Variants in FAM168B observed in about 807,000 individuals in gnomAD.
FAM168B encodes the protein family with sequence similarity 168 member B, also known as myelin-associated neurite-outgrowth inhibitor.
Under a neutral mutation model 21.8 loss-of-function variants are expected in FAM168B, and 19 were observed. The ratio of observed to expected loss-of-function variants is 0.87; its 90% confidence interval spans 0.61 to 1.28. FAM168B has a LOEUF of 1.28. Among genes scored for constraint, FAM168B ranks in the 50% most tolerant of loss-of-function variants. The pLI is 0.00. For missense variants in FAM168B, 233 were observed against 263.1 expected, an observed-to-expected ratio of 0.89 and a Z score of 0.79; for synonymous variants, 126 against 104.8, an observed-to-expected ratio of 1.20 and a Z score of -1.24.
intron 3 of FAM168B, among the ~76,000 whole-genome samples, chr2:131,070,751 A>C (rs1244643835): frequency 2.6e-5 from 4 of 152,240 alleles, no homozygotes; most frequent in African/African-American, 9.6e-5. Context: ...GCTAATATAC[A>C]CTACGAGATG....
Position 131,055,653 on chromosome 2 carries a change from G to C in FAM168B, c.197C>G (p.Thr66Ser). ...GTPYKVSCSP[T>S]SGAVPPYSSS... is the part of the protein sequence containing the mutation. ...GGAGTACGGTGGCACAGCCCCGCTG[G>C]TGGGGGAACAGGACACTTTGTAAGG... Residue 66 changes from threonine to serine, a missense_variant, in exon 4 of 7, where the codon ACC becomes AGC. Transcript: ENST00000389915. The C allele has an allele frequency of 6.2e-7, 1 of 1,613,686 alleles. No homozygotes were observed. The highest frequency in any genetic ancestry group is 8.5e-7 in the Non-Finnish European group (1 of 1,179,800).
chr2:131,092,328 C>T (rs1488423412), intron 1 of FAM168B, among the ~76,000 whole-genome samples: 1 of 152,140 alleles, frequency 6.6e-6, no homozygotes, highest in Admixed American at 6.5e-5. Flanking sequence ...TTACACTGCT[C>T]AAATCTTGGC....
rs557263540 is a variant in FAM168B at position 131,057,877 on chromosome 2, C to T, written c.155-2182G>A. Among the ~76,000 whole-genome samples the T allele has an allele frequency of 2.1e-4, 32 of 152,046 alleles. 1 individual carries two copies. In the South Asian group the frequency reaches 6.2e-3, roughly 30 times the overall value. On this transcript the variant is annotated intron_variant, in intron 3 of 6. Coordinates refer to ENST00000389915, the MANE Select transcript of FAM168B (RefSeq NM_001009993.4). ...ATGGAGTCTTGCTCTATTCCCTAGG[C>T]TGGAGTGTAGTGGTGCAATCTCAGC...
At chr2:131,078,370 A>G (rs1039341880) in intron 2 of FAM168B, among the ~76,000 whole-genome samples, 15 of 152,226 alleles carry the variant, frequency 9.9e-5, no homozygotes, top group African/African-American at 3.4e-4. Flanking sequence ...ATCAGTATAA[A>G]CTATCTGTAT....
intron 2 of FAM168B, among the ~76,000 whole-genome samples, chr2:131,079,189 C>G (rs1465751497): frequency 6.6e-6 from 1 of 150,942 alleles, no homozygotes; most frequent in Non-Finnish European, 1.5e-5. Context: ...TTATAAAAAA[C>G]ACACAGGGCC....
chr2:131,057,393 A>C (rs981065402), intron 3 of FAM168B, among the ~76,000 whole-genome samples: 6 of 152,238 alleles, frequency 3.9e-5, no homozygotes, highest in Admixed American at 2.6e-4. Context: ...TTTCCAAAGA[A>C]GCTGGAAACA....
chr2:131,051,753 A>G lies in FAM168B; in HGVS notation c.*712T>C. The G allele has an allele frequency of 1.0e-6, 1 of 985,438 alleles. No individual in the cohort carries two copies. Among genetic ancestry groups the G allele is most frequent in the Non-Finnish European group, 1.2e-6 (1 of 829,930 alleles). The allele number at this position is 985,438 out of a possible 1,614,324, so 61.0% of individuals were successfully genotyped here. A position where few individuals can be genotyped will look rare whatever the true frequency, so the allele number is the denominator to read the frequency against. ...GGCCACACTACCATAATCTTTCATG[A>G]TGAGCTTTAAGCATGTCCCTGTTCC... On this transcript the variant is annotated 3_prime_UTR_variant, in exon 7 of 7. Coordinates refer to ENST00000389915, the MANE Select transcript of FAM168B (RefSeq NM_001009993.4).
intron 2 of FAM168B, among the ~76,000 whole-genome samples, chr2:131,078,205 C>G (rs1693257469): frequency 6.6e-6 from 1 of 152,146 alleles, no homozygotes; most frequent in South Asian, 2.1e-4. Context: ...AACTGACGCA[C>G]AGGTGATCCA....
intron 2 of FAM168B, among the ~76,000 whole-genome samples, chr2:131,077,341 A>G (rs1179109596): frequency 1.3e-5 from 2 of 152,122 alleles, no homozygotes; most frequent in African/African-American, 4.8e-5. Context: ...CAGCCAGGAG[A>G]AGTATGTGGG....
rs1375722256 is a variant in FAM168B at position 131,051,309 on chromosome 2, G to A, written c.*1156C>T. The stretch of plus-strand genomic sequence containing the variant: ...TTTCTACATTTCCAGACATATCCAC[G>A]GCCCTGCCTTTCTACAAGAAATTGG... On this transcript the variant is annotated 3_prime_UTR_variant, in exon 7 of 7. Transcript: ENST00000389915. The A allele has an allele frequency of 3.0e-6, 3 of 985,130 alleles. No individual in the cohort carries two copies. Among genetic ancestry groups the A allele is most frequent in the Admixed American group, 6.2e-5 (1 of 16,236 alleles). The allele number at this position is 985,130 out of a possible 1,614,324, so 61.0% of individuals were successfully genotyped here. A position where few individuals can be genotyped will look rare whatever the true frequency, so the allele number is the denominator to read the frequency against.
At chr2:131,090,662 T>C (rs1403466327) in intron 1 of FAM168B, among the ~76,000 whole-genome samples, 7 of 152,024 alleles carry the variant, frequency 4.6e-5, no homozygotes, top group Admixed American at 4.6e-4. Context: ...GCCCAGAAGT[T>C]TGAGATCAGC....
intron 1 of FAM168B, among the ~76,000 whole-genome samples, chr2:131,092,785 G>A (rs886223939): frequency 6.6e-6 from 1 of 151,824 alleles, no homozygotes; most frequent in Non-Finnish European, 1.5e-5. Flanking sequence ...GCTGGAAGGA[G>A]AACGCTCAGA....
intron 2 of FAM168B, among the ~76,000 whole-genome samples, chr2:131,081,323 C>T (rs1023128188): frequency 1.3e-5 from 2 of 152,212 alleles, no homozygotes; most frequent in Admixed American, 6.5e-5. Context: ...GCATCCCATG[C>T]TAGCAGGCAG....
rs1435213816 is a variant in FAM168B at position 131,048,786 on chromosome 2, C to T, written c.*3679G>A. The stretch of plus-strand genomic sequence containing the variant: ...CCAACCACACTCTGCTTTAGAGACC[C>T]TCTCAGAAAGCACCAGAGAGGAGGA... On this transcript the variant is annotated 3_prime_UTR_variant, in exon 7 of 7. Coordinates refer to ENST00000389915, the MANE Select transcript of FAM168B (RefSeq NM_001009993.4). The T allele has an allele frequency of 2.0e-6, 2 of 986,384 alleles. No homozygotes were observed. The highest frequency in any genetic ancestry group is 2.3e-4 in the East Asian group (2 of 8,820). The allele number at this position is 986,384 out of a possible 1,614,324, so 61.1% of individuals were successfully genotyped here.
In FAM168B at chr2:131,048,324, C is replaced by A; in HGVS notation, c.*4141G>T. 1 of 1,303,992 alleles carries A rather than the reference C, an allele frequency of 7.7e-7. No homozygotes were observed. Among genetic ancestry groups the A allele is most frequent in the Non-Finnish European group, 1.0e-6 (1 of 988,756 alleles). The allele number at this position is 1,303,992 out of a possible 1,614,324, so 80.8% of individuals were successfully genotyped here. The stretch of plus-strand genomic sequence containing the variant: ...CAGCTGCCTTGCCCACTGGTCTGCA[C>A]AGGGACTCATGGGCACAGCCTGTGG... On this transcript the variant is annotated 3_prime_UTR_variant, in exon 7 of 7. Transcript: ENST00000389915.
chr2:131,063,740 C>T (rs1024317684), intron 3 of FAM168B, among the ~76,000 whole-genome samples: 22 of 152,102 alleles, frequency 1.4e-4, no homozygotes, highest in Admixed American at 1.3e-3. Flanking sequence ...GATTGTGCAA[C>T]CACACTCCAG....
intron 5 of FAM168B, 150 bp from the exon 6 acceptor site, chr2:131,053,165 G>T: frequency 3.3e-6 from 4 of 1,213,814 alleles, no homozygotes; most frequent in Non-Finnish European, 4.3e-6. Flanking sequence ...ACTCTGATTA[G>T]ATAATCCCCC....
At chr2:131,054,963 G>C (rs1171219182) in intron 5 of FAM168B, among the ~76,000 whole-genome samples, 1 of 152,092 alleles carries the variant, frequency 6.6e-6, no homozygotes, top group Non-Finnish European at 1.5e-5. Context: ...GGTACACAAA[G>C]TGTCCTCCTT....
chr2:131,070,213 C>T (rs1692805443), intron 3 of FAM168B, among the ~76,000 whole-genome samples: 1 of 152,160 alleles, frequency 6.6e-6, no homozygotes, highest in Non-Finnish European at 1.5e-5. Flanking sequence ...GAAAAAGCCA[C>T]AGACTGGGAG....
Sources: allele counts gnomAD v4.1 joint callset (sites outside exome capture counted in the v4.1 genomes callset), GRCh38; gene constraint gnomAD v4.1.1; transcripts MANE v1.5; gene names NCBI Gene and HGNC (gene_info 2026-07-23, HGNC 2026-07-21).